The following TTC13 variants were observed in gnomAD, a reference collection of about 807,000 sequenced individuals.
The protein encoded by TTC13 is tetratricopeptide repeat domain 13, also known as tetratricopeptide repeat protein 13.
Under a neutral mutation model 120.0 loss-of-function variants are expected in TTC13, and 62 were observed. The observed-to-expected ratio is 0.52, with a 90% CI of 0.42 to 0.64. The LOEUF is 0.64. Among genes scored for constraint, TTC13 ranks in the 30% least tolerant of loss-of-function variants. TTC13 has a pLI of 0.00. For synonymous variants in TTC13, 384 were observed against 393.5 expected, an observed-to-expected ratio of 0.98 and a Z score of 0.28; for missense variants, 824 against 1,050.2, an observed-to-expected ratio of 0.78 and a Z score of 2.98.
chr1:230,938,534 C>T (rs1054682532), intron 8 of TTC13, among the ~76,000 whole-genome samples: 1 of 152,192 alleles, frequency 6.6e-6, no homozygotes, highest in Non-Finnish European at 1.5e-5. Context: ...TCCTGTTTCC[C>T]TCTACCTCCT....
At chr1:230,967,427 A>G (rs1315417676) in intron 1 of TTC13, among the ~76,000 whole-genome samples, 1 of 151,924 alleles carries the variant, frequency 6.6e-6, no homozygotes, top group Non-Finnish European at 1.5e-5. Flanking sequence ...CAGAAACTTT[A>G]AATCAGGAGA....
chr1:230,928,081 C>T (rs1673193258), intron 12 of TTC13, among the ~76,000 whole-genome samples: 1 of 152,180 alleles, frequency 6.6e-6, no homozygotes, highest in Non-Finnish European at 1.5e-5. Flanking sequence ...GCTTCCCCTT[C>T]AAGCCTGAGC....
Position 230,931,372 on chromosome 1 carries a change from G to A in TTC13, c.1226C>T (p.Thr409Ile). ...GAGAGGATCATTCAGCATAACTTTTGTTTGTGCTTTTATCCCTTCATAAAA... is the reference window on the plus strand; with the variant it reads ...GAGAGGATCATTCAGCATAACTTTTATTTGTGCTTTTATCCCTTCATAAAA... ...GQFYEGIKAQ[T>I]KVMLNDPLPG... The change falls in exon 11 of 23, where the codon ACA becomes ATA. Residue 409 changes from threonine to isoleucine, a missense_variant. Physicochemically the swap from Thr to Ile is moderately conservative, Grantham distance 89. This residue lies in a region of TTC13 where 430 missense variants were observed against 626.8 expected (regional missense o/e 0.69). Coordinates refer to ENST00000366661, the MANE Select transcript of TTC13 (RefSeq NM_024525.5). 1.9e-6 allele frequency: 3 copies of A among 1,614,176 alleles called. No homozygotes were observed. Among genetic ancestry groups the A allele is most frequent in the Non-Finnish European group, 1.7e-6 (2 of 1,180,034 alleles).
intron 4 of TTC13, among the ~76,000 whole-genome samples, chr1:230,951,445 C>T (rs561846506): frequency 1.3e-5 from 2 of 151,888 alleles, no homozygotes; most frequent in Non-Finnish European, 2.9e-5. Flanking sequence ...TGAATAGCTA[C>T]CACTTTGTAG....
At chr1:230,932,851 A>G (rs1330353079) in intron 9 of TTC13, among the ~76,000 whole-genome samples, 4 of 152,174 alleles carry the variant, frequency 2.6e-5, no homozygotes, top group Admixed American at 6.5e-5. Context: ...TAGCACCTTT[A>G]CAAGTGAGAA....
rs766907632 is a variant in TTC13 at position 230,909,037 on chromosome 1, C to T, written c.2310-17G>A. ...GCAATTACACTATTTAAATAAAGAA[C>T]AAAGGTCAATCCATCCTGGACGGTC... On this transcript the variant is annotated splice_polypyrimidine_tract_variant and intron_variant, in intron 20 of 22. Coordinates refer to ENST00000366661, the MANE Select transcript of TTC13 (RefSeq NM_024525.5). The T allele has an allele frequency of 4.3e-6, 7 of 1,610,800 alleles. No individual in the cohort carries two copies. The highest frequency in any genetic ancestry group is 5.9e-6 in the Non-Finnish European group (7 of 1,177,072).
intron 1 of TTC13, among the ~76,000 whole-genome samples, chr1:230,976,529 T>A (rs1678324697): frequency 6.6e-6 from 1 of 152,250 alleles, no homozygotes; most frequent in Non-Finnish European, 1.5e-5. Context: ...TAGTTGATTC[T>A]GGAAATGACT....
intron 4 of TTC13, among the ~76,000 whole-genome samples, chr1:230,947,421 G>T (rs1180023833): frequency 6.6e-6 from 1 of 152,168 alleles, no homozygotes; most frequent in Admixed American, 6.5e-5. Flanking sequence ...TGGCCAGGCT[G>T]GGGTGGGAGG....
chr1:230,961,435 C>G (rs1676629713), intron 1 of TTC13, 132 bp from the exon 2 acceptor site: 5 of 647,706 alleles, frequency 7.7e-6, no homozygotes, highest in Admixed American at 2.7e-5. Context: ...AAAGTGGCAA[C>G]CAGCTGGGCA....
At chr1:230,945,705 A>T (rs945019013) in intron 4 of TTC13, among the ~76,000 whole-genome samples, 1 of 152,208 alleles carries the variant, frequency 6.6e-6, no homozygotes, top group African/African-American at 2.4e-5. Context: ...ACGCAGAAAC[A>T]TGCTGGTTTC....
At chr1:230,922,093 G>A (rs781506789) in intron 15 of TTC13, among the ~76,000 whole-genome samples, 3 of 151,990 alleles carry the variant, frequency 2.0e-5, no homozygotes, top group Non-Finnish European at 2.9e-5. Context: ...AAAGGTTACT[G>A]TCAAGTAAGA....
rs992344853 is a variant in TTC13, at chr1:230,931,626, T to C, written c.1125+110A>G. ...CAATGATTTCTTCTCTTTCTTTTTG[T>C]TGGAGTAGAAACACTATTCTCAGTC... is the stretch of plus-strand genomic sequence containing the variant. On this transcript the variant is annotated intron_variant, in intron 10 of 22. Coordinates refer to ENST00000366661, the MANE Select transcript of TTC13 (RefSeq NM_024525.5). The C allele has an allele frequency of 1.0e-5, 15 of 1,475,416 alleles. No homozygotes were observed. In the African/African-American group the frequency reaches 1.7e-4, roughly 17 times the overall value. The allele number at this position is 1,475,416 out of a possible 1,614,324, so 91.4% of individuals were successfully genotyped here. A position where few individuals can be genotyped will look rare whatever the true frequency, so the allele number is the denominator to read the frequency against.
intron 1 of TTC13, among the ~76,000 whole-genome samples, chr1:230,968,195 C>A (rs1291237490): frequency 7.9e-6 from 1 of 126,686 alleles, no homozygotes; most frequent in Non-Finnish European, 1.7e-5. Flanking sequence ...GGGGGGGGGG[C>A]CTTTTTGTTT....
rs911905368 is a variant in TTC13 at position 230,908,927 on chromosome 1, C to T, written c.2388+15G>A. ...ATACATAACCAAGCATTTCTCCCTT[C>T]CCGCTCCAACATACCTTCCCTTTGG... On this transcript the variant is annotated intron_variant, in intron 21 of 22. Transcript: ENST00000366661. 6.2e-7 allele frequency: 1 copy of T among 1,613,972 alleles called. No homozygotes were observed. The highest frequency in any genetic ancestry group is 1.7e-5 in the Admixed American group (1 of 60,020).
rs114087075 is a variant in TTC13, at chr1:230,971,411, G to A, written c.271+7149C>T. On this transcript the variant is annotated intron_variant, in intron 1 of 22. Coordinates refer to ENST00000366661, the MANE Select transcript of TTC13 (RefSeq NM_024525.5). ...ATATACTGCATTGCTCAATGGCCCC[G>A]AAATATGGTCCCAAGTGGTAAATTC... Among the ~76,000 whole-genome samples, 943 of 148,708 alleles carry A rather than the reference G, an allele frequency of 6.3e-3. 7 individuals carry two copies. Among genetic ancestry groups the A allele is most frequent in the African/African-American group, 0.021 (869 of 40,600 alleles).
intron 1 of TTC13, among the ~76,000 whole-genome samples, chr1:230,966,404 T>G (rs1196817639): frequency 6.6e-6 from 1 of 151,942 alleles, no homozygotes; most frequent in Admixed American, 6.6e-5. Flanking sequence ...AAGAAATACT[T>G]CTTTATAAAA....
Position 230,978,712 on chromosome 1 carries a change from C to G in TTC13, c.119G>C (p.Arg40Pro). 6.7e-7 allele frequency: 1 copy of G among 1,491,604 alleles called. No individual in the cohort carries two copies. Among genetic ancestry groups the G allele is most frequent in the Non-Finnish European group, 8.9e-7 (1 of 1,129,052 alleles). 92.4% of individuals were successfully genotyped at this position (1,491,604 alleles called of 1,614,324 possible). ...LLLGVLSAGL[R>P]PGALATEHYS... ...GTGCTCGGTGGCCAGGGCGCCTGGCCGCAGCCCGGCGGACAGGACCCCCAG... is the reference window on the plus strand; with the variant it reads ...GTGCTCGGTGGCCAGGGCGCCTGGCGGCAGCCCGGCGGACAGGACCCCCAG... Residue 40 changes from arginine (R) to proline (P), a missense_variant, in exon 1 of 23, where the codon CGG becomes CCG. Arg to Pro is a moderately radical substitution (Grantham distance 103). Transcript: ENST00000366661. This position sits in a 1 kb window ranked among gnomAD's most constrained non-coding sequence, Gnocchi z 5.6.
At chr1:230,911,372 C>A (rs549581636) in intron 20 of TTC13, 98 bp downstream of exon 20, 10 of 801,686 alleles carry the variant, frequency 1.2e-5, no homozygotes, top group Non-Finnish European at 1.7e-5. Context: ...CTTACCATTT[C>A]TTTGTGTACT....
chr1:230,929,378 A>C (rs1234719373), intron 11 of TTC13, among the ~76,000 whole-genome samples: 4 of 146,348 alleles, frequency 2.7e-5, no homozygotes, highest in Non-Finnish European at 4.5e-5. Flanking sequence ...GCGGTGGTGC[A>C]ATCTTGGCTC....
Sources: allele counts gnomAD v4.1 joint callset (sites outside exome capture counted in the v4.1 genomes callset), GRCh38; gene constraint gnomAD v4.1.1; regional missense constraint gnomAD v4.1.1; non-coding constraint Gnocchi (gnomAD v3.1); transcripts MANE v1.5; gene names NCBI Gene and HGNC (gene_info 2026-07-23, HGNC 2026-07-21).